TENM3: variants seen among roughly 807,000 people sequenced by gnomAD.
TENM3 encodes teneurin-3.
TENM3 carries 63 observed loss-of-function variants against 255.1 expected under a neutral mutation model. The observed-to-expected ratio is 0.25, with a 90% CI of 0.20 to 0.30. The LOEUF (loss-of-function observed/expected upper bound fraction) is 0.30. Ranked by LOEUF, TENM3 falls within the 10% of genes least tolerant of loss-of-function variation. TENM3 has a pLI of 1.00. For missense variants in TENM3, 2,929 were observed against 3,461.1 expected (o/e 0.85, Z 3.86); for synonymous variants, 1,306 against 1,322.3 (o/e 0.99, Z 0.27).
intron 2 of TENM3, among the ~76,000 whole-genome samples, chr4:182,341,771 A>G (rs987567921): frequency 4.6e-5 from 7 of 152,222 alleles, no homozygotes; most frequent in African/African-American, 1.7e-4. Context: ...AATATTTTAC[A>G]TGGAGTGAAA....
intron 4 of TENM3, among the ~76,000 whole-genome samples, chr4:182,626,455 A>G (rs1393153408): frequency 1.3e-5 from 2 of 152,204 alleles, no homozygotes; most frequent in Admixed American, 6.5e-5. Context: ...TAATGTAAAC[A>G]CTTTATATAT....
chr4:182,669,609 ATAAAAATAAGTATAAAC>A lies in TENM3; in HGVS notation c.1112-3394_1112-3378del, dbSNP rs1386501236. Reference sequence around the variant, plus strand: ...TTTAAGTTTTATCAATATAAAACTTATAAAAATAAGTATAAACTTTATGTCCTGACATTGTAAGTATA... The same window carrying A: ...TTTAAGTTTTATCAATATAAAACTTATTTATGTCCTGACATTGTAAGTATA... On this transcript the variant is annotated intron_variant, in intron 6 of 27. Coordinates refer to ENST00000511685, the MANE Select transcript of TENM3 (RefSeq NM_001080477.4). 9.2e-5 allele frequency among the ~76,000 whole-genome samples: 14 copies of A among 152,326 alleles called. No homozygotes were observed. In the East Asian group the frequency reaches 2.3e-3, roughly 25 times the overall value.
chr4:181,605,564 A>AG, the TENM3 span, among the ~76,000 whole-genome samples: 10 of 25,020 alleles, frequency 4.0e-4, 2 homozygotes, highest in African/African-American at 9.4e-4. Flanking sequence ...GAAAGAAAGA[A>AG]AGAAAGAGAG....
At chr4:182,599,536 G>T (rs555929112) in intron 3 of TENM3, among the ~76,000 whole-genome samples, 1 of 152,236 alleles carries the variant, frequency 6.6e-6, no homozygotes, top group African/African-American at 2.4e-5. Flanking sequence ...TGGAATATTA[G>T]GGATCATTAG....
At chr4:182,191,423 A>G (rs933376913) in intron 1 of TENM3, among the ~76,000 whole-genome samples, 1 of 152,128 alleles carries the variant, frequency 6.6e-6, no homozygotes, top group Non-Finnish European at 1.5e-5. Flanking sequence ...TCACACACCC[A>G]TGATTACCAG....
chr4:181,561,554 A>G, the TENM3 span, among the ~76,000 whole-genome samples: 4 of 152,228 alleles, frequency 2.6e-5, no homozygotes, highest in African/African-American at 9.6e-5. Context: ...TTTTCTGTAC[A>G]TTATTACTTT....
At chr4:182,529,580 A>T (rs1460072287) in intron 3 of TENM3, among the ~76,000 whole-genome samples, 3 of 151,858 alleles carry the variant, frequency 2.0e-5, no homozygotes, top group African/African-American at 7.3e-5. Flanking sequence ...ACTCCACCCC[A>T]TTTGGTTCAG....
the TENM3 span, chr4:181,877,252 G>A: frequency 6.6e-6 from 1 of 152,120 alleles, no homozygotes; most frequent in Non-Finnish European, 1.5e-5. Flanking sequence ...AGGAATAAAG[G>A]TGATACATAA....
intron 1 of TENM3, among the ~76,000 whole-genome samples, chr4:182,250,055 T>C (rs1561242590): frequency 1.8e-5 from 2 of 114,174 alleles, no homozygotes; most frequent in Non-Finnish European, 3.4e-5. Context: ...TTCTTTTTTC[T>C]TTTTTTTTTT....
chr4:182,161,890 T>C (rs1303694676), intron 1 of TENM3, among the ~76,000 whole-genome samples: 4 of 40,620 alleles, frequency 9.8e-5, no homozygotes, highest in African/African-American at 1.9e-4. Flanking sequence ...TATACACACA[T>C]ATATGTGTAT....
At chr4:182,550,235 TGTAC>T (rs1337914379) in intron 3 of TENM3, among the ~76,000 whole-genome samples, 1 of 152,216 alleles carries the variant, frequency 6.6e-6, no homozygotes, top group Non-Finnish European at 1.5e-5. Flanking sequence ...TATGTATGTA[TGTAC>T]GTTGATTTAC....
intron 18 of TENM3, among the ~76,000 whole-genome samples, chr4:182,740,798 G>A (rs1579305640): frequency 1.3e-5 from 2 of 152,198 alleles, no homozygotes; most frequent in South Asian, 4.2e-4. Context: ...AATAACATAT[G>A]GGTAACTTCT....
At chr4:181,785,185 G>A in the TENM3 span, among the ~76,000 whole-genome samples, 189 of 152,202 alleles carry the variant, frequency 1.2e-3, 1 homozygote, top group African/African-American at 4.2e-3. Flanking sequence ...AATGGTAGGC[G>A]ACCAGGCAGG....
intron 1 of TENM3, among the ~76,000 whole-genome samples, chr4:182,173,312 G>C (rs1226842851): frequency 6.6e-6 from 1 of 152,200 alleles, no homozygotes; most frequent in Non-Finnish European, 1.5e-5. Flanking sequence ...CAATGTCAGA[G>C]TGAACATTCA....
the TENM3 span, among the ~76,000 whole-genome samples, chr4:181,485,050 C>G: frequency 1.3e-5 from 2 of 152,020 alleles, no homozygotes; most frequent in Non-Finnish European, 2.9e-5. Flanking sequence ...AGGTGTTTTT[C>G]TTTAGATAAT....
the TENM3 span, among the ~76,000 whole-genome samples, chr4:181,786,306 C>G: frequency 6.6e-6 from 1 of 152,130 alleles, no homozygotes; most frequent in Non-Finnish European, 1.5e-5. Flanking sequence ...GAAAATCTAG[C>G]AAAAGGCAGA....
At chr4:182,055,758 C>A in the TENM3 span, among the ~76,000 whole-genome samples, 155 of 152,208 alleles carry the variant, frequency 1.0e-3, 1 homozygote, top group Non-Finnish European at 4.1e-4. Context: ...GGTGGATGGA[C>A]AGGAGCTATA....
chr4:181,789,260 T>TTATTTTA, the TENM3 span, among the ~76,000 whole-genome samples: 17 of 141,908 alleles, frequency 1.2e-4, no homozygotes, highest in African/African-American at 4.6e-4. Flanking sequence ...TTATTTTATT[T>TTATTTTA]ATTTTATTTT....
the TENM3 span, among the ~76,000 whole-genome samples, chr4:181,868,349 A>C: frequency 2.0e-5 from 3 of 152,142 alleles, no homozygotes; most frequent in African/African-American, 7.2e-5. Context: ...ATTTTATATA[A>C]ACAGAGGAAC....
Sources: allele counts gnomAD v4.1 joint callset (sites outside exome capture counted in the v4.1 genomes callset), GRCh38; gene constraint gnomAD v4.1.1; transcripts MANE v1.5; gene names NCBI Gene and HGNC (gene_info 2026-07-23, HGNC 2026-07-21).